The following PIEZO2 variants were observed in gnomAD, a reference collection of about 807,000 sequenced individuals.
PIEZO2 encodes the protein piezo-type mechanosensitive ion channel component 2.
PIEZO2 carries 172 observed loss-of-function variants against 337.3 expected under a neutral mutation model. The observed-to-expected ratio is 0.51, with a 90% CI of 0.45 to 0.58. The LOEUF (loss-of-function observed/expected upper bound fraction) is 0.58, where lower values mean the gene tolerates loss of function less well. PIEZO2 is among the 20% of genes least tolerant of loss of function. PIEZO2 has a pLI of 0.00. For synonymous variants in PIEZO2, 1,251 were observed against 1,228.5 expected (o/e 1.02, Z -0.38); for missense variants, 3,028 against 3,391.3 (o/e 0.89, Z 2.66).
chr18:10,818,336 G>A (rs1401535615), intron 7 of PIEZO2, among the ~76,000 whole-genome samples: 1 of 152,176 alleles, frequency 6.6e-6, no homozygotes, highest in East Asian at 1.9e-4. Flanking sequence ...CTAATAAGAA[G>A]TTAATATGTA....
intron 42 of PIEZO2, 109 bp downstream of exon 42, chr18:10,704,285 G>C: frequency 7.3e-7 from 1 of 1,370,972 alleles, no homozygotes; most frequent in Non-Finnish European, 9.7e-7. Flanking sequence ...ATGTGAAACT[G>C]TCTGGGATCA....
rs375734860 is a variant in PIEZO2 at position 10,702,071 on chromosome 18, A to G, written c.6359T>C (p.Ile2120Thr). ...ATAACCTTCCTTCTTTTCCACTCCT[A>G]TGATGTTTGGGGGGTGATACGGTTT... ...KDKPYHPPNI[I>T]GVEKKEGYVL... The change falls in exon 43 of 56, where the codon ATA (isoleucine) becomes ACA (threonine). Residue 2120 changes from isoleucine to threonine, a missense_variant. Coordinates refer to ENST00000674853, the MANE Select transcript of PIEZO2 (RefSeq NM_001378183.1). 2.0e-5 allele frequency: 31 copies of G among 1,536,908 alleles called. No individual in the cohort carries two copies. The highest frequency in any genetic ancestry group is 2.6e-5 in the Non-Finnish European group (30 of 1,146,834).
chr18:10,844,767 C>T (rs573654874), intron 7 of PIEZO2, among the ~76,000 whole-genome samples: 5 of 134,026 alleles, frequency 3.7e-5, no homozygotes, highest in Admixed American at 1.7e-4. Context: ...CCAGCCTGGG[C>T]GACAGAGGGA....
Position 10,744,184 on chromosome 18 carries a change from C to A in PIEZO2, c.4472G>T (p.Arg1491Ile). The A allele has an allele frequency of 6.5e-7, 1 of 1,537,066 alleles. No homozygotes were observed. Among genetic ancestry groups the A allele is most frequent in the Non-Finnish European group, 8.7e-7 (1 of 1,146,750 alleles). ...QATIVKAVKA[R>I]IEEEKKSMDQ... ...CATGGACTTCTTCTCTTCCTCAATT[C>A]TTGCCTTTACAGCTTTTACAATTGT... The change falls in exon 31 of 56, where the codon AGA (arginine) becomes ATA (isoleucine). Residue 1491 changes from arginine (R) to isoleucine (I), a missense_variant. Transcript: ENST00000674853.
intron 3 of PIEZO2, among the ~76,000 whole-genome samples, chr18:10,927,991 A>G (rs905040638): frequency 3.6e-4 from 55 of 152,198 alleles, no homozygotes; most frequent in Non-Finnish European, 1.0e-4. Context: ...AGACTAAGGA[A>G]GATTCAAAAT....
intron 4 of PIEZO2, among the ~76,000 whole-genome samples, chr18:10,893,040 C>T (rs1354237012): frequency 6.6e-6 from 1 of 152,034 alleles, no homozygotes; most frequent in Non-Finnish European, 1.5e-5. Flanking sequence ...AAATTTATGG[C>T]CAGGATAAAA....
At position 10,772,813 on chromosome 18, in the gene PIEZO2, C is replaced by G. The variant is rs544056714; in HGVS notation, c.2785+599G>C. Among the ~76,000 whole-genome samples, 17 of 152,220 alleles carry G rather than the reference C, an allele frequency of 1.1e-4. 1 individual carries two copies. The South Asian group carries it at 3.3e-3, about 30-fold the overall frequency. Reference sequence around the variant, plus strand: ...ATCATGCTCTATTAAAACATTATTTCAAGTCTAGGAAGGGAAGTAGAAAAG... The same window carrying G: ...ATCATGCTCTATTAAAACATTATTTGAAGTCTAGGAAGGGAAGTAGAAAAG... On this transcript the variant is annotated intron_variant, in intron 20 of 55. Transcript: ENST00000674853.
rs117940159 is a variant in PIEZO2 at position 10,892,021 on chromosome 18, G to A, written c.329+19165C>T. Among the ~76,000 whole-genome samples the A allele has an allele frequency of 6.2e-3, 951 of 152,266 alleles. 5 individuals are homozygous for A. Among genetic ancestry groups the A allele is most frequent in the Middle Eastern group, 0.024 (7 of 294 alleles). On this transcript the variant is annotated intron_variant, in intron 4 of 55. Coordinates refer to ENST00000674853, the MANE Select transcript of PIEZO2 (RefSeq NM_001378183.1). ...TAGGGTAATGCAGGATTGATAGGCA[G>A]TCAGACTGAAGATAGAACAGCCAAT...
intron 4 of PIEZO2, among the ~76,000 whole-genome samples, chr18:10,885,201 G>A (rs7229226): frequency 6.6e-6 from 1 of 152,074 alleles, no homozygotes; most frequent in African/African-American, 2.4e-5. Flanking sequence ...GAGGCGGGCG[G>A]ATCATGAGCT....
Position 10,855,181 on chromosome 18 carries a change from A to G in PIEZO2, c.917+172T>C, listed in dbSNP as rs2041668656. 6.6e-6 allele frequency among the ~76,000 whole-genome samples: 1 copy of G among 152,126 alleles called. No individual in the cohort carries two copies. The highest frequency in any genetic ancestry group is 2.1e-4 in the South Asian group (1 of 4,830). ...CACTGTCTTCCTTCCAGACTGTGTC[A>G]TCCAATACAATGAAAGTGCTAGACT... On this transcript the variant is annotated intron_variant, in intron 7 of 55. Transcript: ENST00000674853. This position sits in a 1 kb window ranked among gnomAD's most constrained non-coding sequence, Gnocchi z 4.9.
At position 10,853,583 on chromosome 18, in the gene PIEZO2, T is replaced by C. The variant is rs1161034165; in HGVS notation, c.917+1770A>G. Reference sequence around the variant, plus strand: ...GCTAACATTACCATTTCTGTCCCCTTTCTTTTTTCTGGAACTGTCAATTAT... The same window carrying C: ...GCTAACATTACCATTTCTGTCCCCTCTCTTTTTTCTGGAACTGTCAATTAT... On this transcript the variant is annotated intron_variant, in intron 7 of 55. Transcript: ENST00000674853. This position sits in a 1 kb window ranked among gnomAD's most constrained non-coding sequence, Gnocchi z 4.2. Among the ~76,000 whole-genome samples, 1 of 152,192 alleles carries C rather than the reference T, an allele frequency of 6.6e-6. No individual in the cohort carries two copies. Among genetic ancestry groups the C allele is most frequent in the Non-Finnish European group, 1.5e-5 (1 of 68,026 alleles).
rs2036907700 is a variant in PIEZO2, at chr18:11,035,793, G to A, written c.160+30334C>T. Among the ~76,000 whole-genome samples, 1 of 152,194 alleles carries A rather than the reference G, an allele frequency of 6.6e-6. No homozygotes were observed. Among genetic ancestry groups the A allele is most frequent in the African/African-American group, 2.4e-5 (1 of 41,438 alleles). ...AGGTGCAGCACATATTTGTAAATAA[G>A]CCAACTCCTAAAATAATATGAAACT... On this transcript the variant is annotated intron_variant, in intron 2 of 55. Coordinates refer to ENST00000674853, the MANE Select transcript of PIEZO2 (RefSeq NM_001378183.1). The surrounding 1 kb of genome is among the most constrained non-coding windows in gnomAD (Gnocchi z 4.3).
rs558523568 is a variant in PIEZO2, at chr18:10,708,317, T to C, written c.5546A>G (p.Asp1849Gly). The change falls in exon 40 of 56, where the codon GAT becomes GGT. Residue 1849 changes from aspartate (D) to glycine (G), a missense_variant. Coordinates refer to ENST00000674853, the MANE Select transcript of PIEZO2 (RefSeq NM_001378183.1). ...RPRLRKMLSM[D>G]MSSSSADSGS... ...ACTGTCAGCTGATGAGGAGGACATATCCATGCTGAGCATTTTACGGAGCCT... is the reference window on the plus strand; with the variant it reads ...ACTGTCAGCTGATGAGGAGGACATACCCATGCTGAGCATTTTACGGAGCCT... 1 of 152,788 alleles carries C rather than the reference T, an allele frequency of 6.5e-6. No individual in the cohort carries two copies. The highest frequency in any genetic ancestry group is 2.1e-4 in the South Asian group (1 of 4,820). The allele number at this position is 152,788 out of a possible 1,614,324, so 9.5% of individuals were successfully genotyped here.
chr18:10,970,672 AC>A (rs2034202851), intron 3 of PIEZO2, among the ~76,000 whole-genome samples: 1 of 140,788 alleles, frequency 7.1e-6, no homozygotes, highest in Non-Finnish European at 1.5e-5. Flanking sequence ...ACACACACAC[AC>A]ACACACACAC....
chr18:11,058,095 T>C (rs952139125), intron 2 of PIEZO2, among the ~76,000 whole-genome samples: 1 of 152,188 alleles, frequency 6.6e-6, no homozygotes, highest in African/African-American at 2.4e-5. Flanking sequence ...GTAGAGAGAC[T>C]GGAATTTTAT....
intron 2 of PIEZO2, among the ~76,000 whole-genome samples, chr18:11,050,438 T>C (rs1294572467): frequency 6.6e-6 from 1 of 151,990 alleles, no homozygotes; most frequent in African/African-American, 2.4e-5. Context: ...TGGGGCATCG[T>C]TTTTCTTTTC....
chr18:10,725,090 C>T, intron 36 of PIEZO2: 6 of 1,497,312 alleles, frequency 4.0e-6, no homozygotes, highest in South Asian at 1.1e-5. Flanking sequence ...TTCTTTCAGT[C>T]GCATTACACC....
At chr18:11,026,765 C>G (rs946850966) in intron 2 of PIEZO2, among the ~76,000 whole-genome samples, 5 of 152,150 alleles carry the variant, frequency 3.3e-5, no homozygotes, top group Non-Finnish European at 7.3e-5. Flanking sequence ...AACTGTATCA[C>G]TTTTATCATG....
rs1446284188 is a variant in PIEZO2, at chr18:10,784,808, C to G, written c.2468G>C (p.Ser823Thr). ...CCTGTAGATGGTGTTGTCTTCTTTGCTGGGAATGGACTTGAGGTCTGTGAG... is the reference window on the plus strand; with the variant it reads ...CCTGTAGATGGTGTTGTCTTCTTTGGTGGGAATGGACTTGAGGTCTGTGAG... ...LELTDLKSIP[S>T]KEDNTIYSHA... The change falls in exon 17 of 56, where the codon AGC becomes ACC. Residue 823 changes from serine to threonine, a missense_variant. Ser to Thr is a moderately conservative substitution (Grantham distance 58). Around this residue, in one of 5 missense-constraint regions of PIEZO2, gnomAD observed 1,925 missense variants for 2,051.9 expected, o/e 0.94. Coordinates refer to ENST00000674853, the MANE Select transcript of PIEZO2 (RefSeq NM_001378183.1). This position sits in a 1 kb window ranked among gnomAD's most constrained non-coding sequence, Gnocchi z 4.5. 1.3e-6 allele frequency: 2 copies of G among 1,536,778 alleles called. No individual in the cohort carries two copies. Among genetic ancestry groups the G allele is most frequent in the Admixed American group, 2.0e-5 (1 of 50,866 alleles).
Sources: allele counts gnomAD v4.1 joint callset (sites outside exome capture counted in the v4.1 genomes callset), GRCh38; gene constraint gnomAD v4.1.1; regional missense constraint gnomAD v4.1.1; non-coding constraint Gnocchi (gnomAD v3.1); transcripts MANE v1.5; gene names NCBI Gene and HGNC (gene_info 2026-07-23, HGNC 2026-07-21).